The following APLF variants were observed in gnomAD, a reference collection of about 807,000 sequenced individuals.
APLF encodes aprataxin and PNKP like factor, also known as aprataxin and PNK-like factor.
In APLF, 61 loss-of-function variants were observed where a neutral mutation model predicts 55.6. The observed-to-expected ratio is 1.10, with a 90% confidence interval of 0.89 to 1.36. The LOEUF is 1.36. Among genes scored for constraint, APLF ranks in the 40% most tolerant of loss-of-function variants. APLF has a pLI of 0.00. For missense variants in APLF, 611 were observed against 602.5 expected (o/e 1.01, Z -0.15); for synonymous variants, 207 against 214.8 (o/e 0.96, Z 0.32).
chr2:68,528,020 C>T (rs532337448), intron 6 of APLF, among the ~76,000 whole-genome samples: 34 of 150,070 alleles, frequency 2.3e-4, no homozygotes, highest in African/African-American at 8.1e-4. Context: ...CCAGAGAGGG[C>T]GGGGGCTAGG....
At chr2:68,569,434 C>A (rs567530014) in intron 9 of APLF, among the ~76,000 whole-genome samples, 52 of 152,112 alleles carry the variant, frequency 3.4e-4, no homozygotes, top group African/African-American at 9.2e-4. Flanking sequence ...AGAAATAGAT[C>A]AATCAAAGAC....
At chr2:68,518,996 A>AATATATTATTAATATATAATAATATATT (rs1669792853) in intron 5 of APLF, among the ~76,000 whole-genome samples, 3 of 123,968 alleles carry the variant, frequency 2.4e-5, no homozygotes, top group Non-Finnish European at 4.7e-5. Flanking sequence ...AATATCTGAT[A>AATATATTATTAATATATAATAATATATT]ATATATTATT....
At chr2:68,521,897 G>C (rs1669907986) in intron 5 of APLF, among the ~76,000 whole-genome samples, 1 of 151,934 alleles carries the variant, frequency 6.6e-6, no homozygotes, top group African/African-American at 2.4e-5. Flanking sequence ...TTGGACTACA[G>C]TTCAAAATGT....
intron 2 of APLF, among the ~76,000 whole-genome samples, chr2:68,490,568 G>T (rs919181721): frequency 2.0e-5 from 3 of 152,078 alleles, no homozygotes; most frequent in African/African-American, 7.2e-5. Context: ...AACTATTAAT[G>T]GTTGGTTTTT....
chr2:68,548,741 A>T (rs899638656), intron 8 of APLF, among the ~76,000 whole-genome samples: 1 of 151,950 alleles, frequency 6.6e-6, no homozygotes, highest in Non-Finnish European at 1.5e-5. Context: ...ATGCCTTTTC[A>T]TTTGTTAAAA....
intron 6 of APLF, among the ~76,000 whole-genome samples, chr2:68,530,889 T>G (rs867714498): frequency 2.4e-4 from 36 of 152,280 alleles, no homozygotes; most frequent in Middle Eastern, 3.4e-3. Context: ...AAAAAAAATT[T>G]TCAGACTGGA....
At chr2:68,560,979 A>G (rs1671153077) in intron 8 of APLF, among the ~76,000 whole-genome samples, 1 of 151,952 alleles carries the variant, frequency 6.6e-6, no homozygotes, top group Admixed American at 6.6e-5. Flanking sequence ...GCATAGACAG[A>G]TGTTAGAAAA....
chr2:68,503,089 G>A (rs1316037944), intron 3 of APLF, among the ~76,000 whole-genome samples, 186 bp downstream of exon 3: 1 of 152,084 alleles, frequency 6.6e-6, no homozygotes, highest in African/African-American at 2.4e-5. Flanking sequence ...ATGCATGTGT[G>A]TATCTGTTTC....
At chr2:68,516,957 T>TATA (rs1216021604) in intron 5 of APLF, among the ~76,000 whole-genome samples, 3 of 125,552 alleles carry the variant, frequency 2.4e-5, no homozygotes, top group African/African-American at 9.2e-5. Flanking sequence ...TATAATATAA[T>TATA]ATATAATAAT....
chr2:68,541,929 CATAAAGATA>C (rs764782946), intron 7 of APLF, among the ~76,000 whole-genome samples: 3 of 151,936 alleles, frequency 2.0e-5, no homozygotes, highest in Non-Finnish European at 4.4e-5. Context: ...GTGGTACTGG[CATAAAGATA>C]GACATATAGA....
intron 8 of APLF, among the ~76,000 whole-genome samples, chr2:68,558,678 C>T (rs1421852688): frequency 2.0e-5 from 3 of 152,068 alleles, no homozygotes; most frequent in Non-Finnish European, 4.4e-5. Context: ...GCAGGATGCA[C>T]AGGTTTGTTA....
intron 1 of APLF, among the ~76,000 whole-genome samples, chr2:68,470,641 A>G (rs1675589395): frequency 6.6e-6 from 1 of 152,210 alleles, no homozygotes; most frequent in Non-Finnish European, 1.5e-5. Context: ...ACACTCTTAA[A>G]TGAAATCTAC....
intron 8 of APLF, among the ~76,000 whole-genome samples, chr2:68,557,199 C>G (rs1055426779): frequency 2.6e-5 from 4 of 152,138 alleles, no homozygotes; most frequent in African/African-American, 9.7e-5. Flanking sequence ...ACACATCCTT[C>G]CATGCACTTT....
chr2:68,497,202 G>A (rs1299727142), intron 2 of APLF, among the ~76,000 whole-genome samples: 1 of 152,058 alleles, frequency 6.6e-6, no homozygotes, highest in African/African-American at 2.4e-5. Context: ...CATGGAAAAA[G>A]GCAAAAGGGA....
chr2:68,554,312 A>G (rs368725121), intron 8 of APLF, among the ~76,000 whole-genome samples: 8 of 152,242 alleles, frequency 5.3e-5, no homozygotes, highest in African/African-American at 1.9e-4. Context: ...ATTAAATTTT[A>G]CTTGTACTAC....
At chr2:68,570,650 T>C (rs1671433570) in intron 9 of APLF, among the ~76,000 whole-genome samples, 1 of 152,210 alleles carries the variant, frequency 6.6e-6, no homozygotes, top group Admixed American at 6.5e-5. Flanking sequence ...TGCATAGTAT[T>C]CCACGGTGTA....
At chr2:68,540,778 G>T (rs2049021256) in intron 7 of APLF, among the ~76,000 whole-genome samples, 1 of 151,930 alleles carries the variant, frequency 6.6e-6, no homozygotes, top group South Asian at 2.1e-4. Flanking sequence ...ATGCGTGTGT[G>T]TGTGTGTGTA....
At chr2:68,540,011 TTATACTC>T (rs1465461058) in intron 7 of APLF, among the ~76,000 whole-genome samples, 5 of 152,208 alleles carry the variant, frequency 3.3e-5, no homozygotes, top group Admixed American at 3.3e-4. Flanking sequence ...CTTTTTCTTA[TTATACTC>T]TGAGTTCTGG....
chr2:68,568,145 A>G (rs974379504), intron 9 of APLF: 2 of 359,740 alleles, frequency 5.6e-6, no homozygotes, highest in African/African-American at 4.4e-5. Flanking sequence ...TACTTACCTC[A>G]ATCTGTTTTA....
Sources: allele counts gnomAD v4.1 joint callset (sites outside exome capture counted in the v4.1 genomes callset), GRCh38; gene constraint gnomAD v4.1.1; transcripts MANE v1.5; gene names NCBI Gene and HGNC (gene_info 2026-07-23, HGNC 2026-07-21).